BIRC6: variants seen among roughly 807,000 people sequenced by gnomAD.
BIRC6 encodes the protein baculoviral IAP repeat containing 6, also known as dual E2 ubiquitin-conjugating enzyme/E3 ubiquitin-protein ligase BIRC6.
In BIRC6, 98 loss-of-function variants were observed where a neutral mutation model predicts 503.3. The observed-to-expected ratio is 0.19, with a 90% CI of 0.17 to 0.23. The LOEUF is 0.23. BIRC6 is among the 10% of genes least tolerant of loss of function. The pLI, the probability that BIRC6 is intolerant of heterozygous loss-of-function variation, is 1.00. For missense variants in BIRC6, 5,360 were observed against 5,806.0 expected (o/e 0.92, Z 2.50); for synonymous variants, 2,240 against 2,078.7 (o/e 1.08, Z -2.11).
intron 53 of BIRC6, 42 bp downstream of exon 53, chr2:32,510,676 A>G (rs1343509479): frequency 8.0e-7 from 1 of 1,251,458 alleles, no homozygotes; most frequent in Non-Finnish European, 1.2e-6. Context: ...ACACATGCAC[A>G]TAATCATGCT....
intron 34 of BIRC6, 75 bp downstream of exon 34, chr2:32,476,419 C>G (rs1429602530): frequency 1.2e-5 from 17 of 1,435,302 alleles, no homozygotes; most frequent in Admixed American, 2.7e-5. Flanking sequence ...GATCGAGAAA[C>G]TTAAATATAC....
At chr2:32,511,202 T>TTTTC (rs2054382117) in intron 53 of BIRC6, among the ~76,000 whole-genome samples, 1 of 24,688 alleles carries the variant, frequency 4.1e-5, no homozygotes, top group East Asian at 6.4e-3. Flanking sequence ...TTTTCTTTTC[T>TTTTC]TTTTTTTTTT....
rs183876905 is a variant in BIRC6, at chr2:32,455,429, T to C, written c.4753+1487T>C. Among the ~76,000 whole-genome samples, 93 of 148,758 alleles carry C rather than the reference T, an allele frequency of 6.3e-4. 1 individual carries two copies. Among genetic ancestry groups the C allele is most frequent in the Admixed American group, 5.8e-3 (87 of 14,924 alleles). Reference sequence around the variant, plus strand: ...TAAGTAGCCTGGTTTGAGACAAGCCTGGTCAACATGGCGAAACCTCGTCTC... The same window carrying C: ...TAAGTAGCCTGGTTTGAGACAAGCCCGGTCAACATGGCGAAACCTCGTCTC... On this transcript the variant is annotated intron_variant, in intron 23 of 73. Coordinates refer to ENST00000421745, the MANE Select transcript of BIRC6 (RefSeq NM_016252.4).
At position 32,357,513 on chromosome 2, in the gene BIRC6, G is replaced by A; in HGVS notation, c.325+27G>A. ...TGAGTCTTCCGCACGCCGGGCGGGC[G>A]CGAAGCCGGGGAAAGAAGCCGTCCA... On this transcript the variant is annotated intron_variant, in intron 1 of 73. Coordinates refer to ENST00000421745, the MANE Select transcript of BIRC6 (RefSeq NM_016252.4). This position sits in a 1 kb window ranked among gnomAD's most constrained non-coding sequence, Gnocchi z 4.9. 1 of 1,535,156 alleles carries A rather than the reference G, an allele frequency of 6.5e-7. No homozygotes were observed. Among genetic ancestry groups the A allele is most frequent in the Non-Finnish European group, 8.8e-7 (1 of 1,141,778 alleles).
At chr2:32,380,071 C>T in intron 2 of BIRC6, 82 bp from the exon 3 acceptor site, 1 of 991,020 alleles carries the variant, frequency 1.0e-6, no homozygotes, top group Non-Finnish European at 1.4e-6. Flanking sequence ...ATTAAAATAT[C>T]TGAAAGAGGA....
intron 60 of BIRC6, among the ~76,000 whole-genome samples, chr2:32,530,109 C>G (rs1399926454): frequency 6.6e-6 from 1 of 152,212 alleles, no homozygotes; most frequent in Admixed American, 6.5e-5. Flanking sequence ...GTGAGAAACT[C>G]AACTTACAAC....
rs375517125 is a variant in BIRC6 at position 32,509,895 on chromosome 2, G to A, written c.10138G>A (p.Val3380Ile). 6.2e-7 allele frequency: 1 copy of A among 1,613,976 alleles called. No individual in the cohort carries two copies. Among genetic ancestry groups the A allele is most frequent in the Non-Finnish European group, 8.5e-7 (1 of 1,179,882 alleles). The change falls in exon 52 of 74, where the codon GTT becomes ATT. Residue 3380 changes from valine (V) to isoleucine (I), a missense_variant. Val to Ile is a conservative substitution (Grantham distance 29). Around this residue, in one of 16 missense-constraint regions of BIRC6, gnomAD observed 878 missense variants for 928.9 expected, o/e 0.95. Coordinates refer to ENST00000421745, the MANE Select transcript of BIRC6 (RefSeq NM_016252.4). The stretch of plus-strand genomic sequence containing the variant: ...TGGAATGCATTCACCCAACATCGAG[G>A]TTGTGCTTGTAAAGATAGGACTGCA... Reference protein sequence around the residue: ...YCGMHSPNIEVVLVKIGLQST... With the variant: ...YCGMHSPNIEIVLVKIGLQST...
rs1374367101 is a variant in BIRC6 at position 32,388,903 on chromosome 2, C to T, written c.799C>T (p.Arg267Cys). The change falls in exon 4 of 74, where the codon CGT (arginine) becomes TGT (cysteine). Residue 267 changes from arginine (R) to cysteine (C), a missense_variant. Physicochemically the swap from Arg to Cys is radical, Grantham distance 180. This residue lies in a region of BIRC6 where 134 missense variants were observed against 150.9 expected (regional missense o/e 0.89). Transcript: ENST00000421745. ...DRLSYLLPSA[R>C]PELGVGPGRS... ...ATTGTCTTACCTCTTACCTAGTGCA[C>T]GTCCAGAACTCGGAGTGGGGCCAGG... 3 of 1,607,070 alleles carry T rather than the reference C, an allele frequency of 1.9e-6. No individual in the cohort carries two copies. The highest frequency in any genetic ancestry group is 1.1e-5 in the South Asian group (1 of 89,892).
intron 50 of BIRC6, among the ~76,000 whole-genome samples, chr2:32,507,003 T>G (rs1365419118): frequency 6.6e-6 from 1 of 152,180 alleles, no homozygotes; most frequent in Non-Finnish European, 1.5e-5. Flanking sequence ...TTCAAAAGTT[T>G]TAGTTGACAT....
chr2:32,515,222 GCACCTCTCGCATTAA>G lies in BIRC6; in HGVS notation c.10803_10817del (p.Pro3602_Thr3606del). 6.2e-7 allele frequency: 1 copy of G among 1,613,832 alleles called. No individual in the cohort carries two copies. The highest frequency in any genetic ancestry group is 8.5e-7 in the Non-Finnish European group (1 of 1,179,868). ...AACAGATGACTCTAAAAATGCACAA[GCACCTCTCGCATTAA>G]CTGAATCACATTTGGCTACCCTTGC... On this transcript the variant is annotated inframe_deletion, in exon 55 of 74. Coordinates refer to ENST00000421745, the MANE Select transcript of BIRC6 (RefSeq NM_016252.4).
At chr2:32,430,805 C>CTTTTTTTTTTTTTT (rs370529825) in intron 11 of BIRC6, 60 bp from the exon 12 acceptor site, 1 of 456,282 alleles carries the variant, frequency 2.2e-6, no homozygotes, top group Non-Finnish European at 3.7e-6. Context: ...TCATTGTCTT[C>CTTTTTTTTTTTTTT]TTTTTTTTTT....
intron 67 of BIRC6, chr2:32,594,291 AC>A (rs2061549091): frequency 2.7e-6 from 1 of 366,650 alleles, no homozygotes; most frequent in Non-Finnish European, 4.8e-6. Context: ...TAGGCTGAGA[AC>A]ATACATTATA....
At chr2:32,433,587 G>A (rs1023444332) in intron 12 of BIRC6, 57 bp from the exon 13 acceptor site, 1 of 1,415,076 alleles carries the variant, frequency 7.1e-7, no homozygotes, top group African/African-American at 1.4e-5. Context: ...ATGATAATAT[G>A]GTTGTGGCTG....
intron 37 of BIRC6, among the ~76,000 whole-genome samples, chr2:32,480,672 G>C (rs1558848985): frequency 1.1e-5 from 1 of 90,874 alleles, no homozygotes; most frequent in East Asian, 4.1e-4. Context: ...ACGGAGTCTT[G>C]CTCTTGTCAC....
intron 60 of BIRC6, 43 bp from the exon 61 acceptor site, chr2:32,531,312 T>C: frequency 6.8e-7 from 1 of 1,469,176 alleles, no homozygotes; most frequent in South Asian, 1.3e-5. Context: ...TATAAAAATA[T>C]ACCCTTTCTT....
In BIRC6 at chr2:32,586,261, AC is replaced by A. The variant is rs556986888; in HGVS notation, c.13356-7653del. Among the ~76,000 whole-genome samples, 74 of 151,034 alleles carry A rather than the reference AC, an allele frequency of 4.9e-4. 1 individual carries two copies. The highest frequency in any genetic ancestry group is 2.3e-3 in the East Asian group (12 of 5,172). On this transcript the variant is annotated intron_variant, in intron 66 of 73. Transcript: ENST00000421745. ...TTACTTAAGTGATTTAAAAAAAAAAACAACTTAAAAAAAAATTATAAATTGA... is the reference window on the plus strand; with the variant it reads ...TTACTTAAGTGATTTAAAAAAAAAAAAACTTAAAAAAAAATTATAAATTGA...
In BIRC6 at chr2:32,593,863, G is replaced by C. The variant is rs913224520; in HGVS notation, c.13356-52G>C. On this transcript the variant is annotated intron_variant, in intron 66 of 73. Coordinates refer to ENST00000421745, the MANE Select transcript of BIRC6 (RefSeq NM_016252.4). ...TATATTGATTTATGGAGGTGTTTTA[G>C]TCCTAAAATCTTAATTTTCCTTGCT... The C allele has an allele frequency of 4.0e-6, 6 of 1,497,670 alleles. No individual in the cohort carries two copies. The Admixed American group carries it at 9.0e-5, about 22-fold the overall frequency. The allele number at this position is 1,497,670 out of a possible 1,614,324, so 92.8% of individuals were successfully genotyped here. A position where few individuals can be genotyped will look rare whatever the true frequency, so the allele number is the denominator to read the frequency against.
At chr2:32,382,313 C>G (rs1376483346) in intron 3 of BIRC6, among the ~76,000 whole-genome samples, 1 of 152,156 alleles carries the variant, frequency 6.6e-6, no homozygotes, top group Non-Finnish European at 1.5e-5. Context: ...ATGGTAGTAC[C>G]TCTGAGGGAA....
At chr2:32,605,183 A>G (rs1261397777) in intron 71 of BIRC6, among the ~76,000 whole-genome samples, 1 of 152,124 alleles carries the variant, frequency 6.6e-6, no homozygotes, top group Non-Finnish European at 1.5e-5. Context: ...GTGCCCAGCC[A>G]GTAGTTATTT....
Sources: allele counts gnomAD v4.1 joint callset (sites outside exome capture counted in the v4.1 genomes callset), GRCh38; gene constraint gnomAD v4.1.1; regional missense constraint gnomAD v4.1.1; non-coding constraint Gnocchi (gnomAD v3.1); transcripts MANE v1.5; gene names NCBI Gene and HGNC (gene_info 2026-07-23, HGNC 2026-07-21).